Variants in GNAQ observed in about 807,000 individuals in gnomAD.
The protein encoded by GNAQ is G protein subunit alpha q, also known as guanine nucleotide-binding protein G(q) subunit alpha.
A neutral mutation model predicts 43.9 loss-of-function variants in GNAQ; 8 were observed. That is an observed-to-expected ratio of 0.18 (90% CI 0.11 to 0.33). The LOEUF (loss-of-function observed/expected upper bound fraction) is 0.33. Among genes scored for constraint, GNAQ ranks in the 10% least tolerant of loss-of-function variants. GNAQ has a pLI of 1.00. For synonymous variants in GNAQ, 155 were observed against 170.7 expected (o/e 0.91, Z 0.71); for missense variants, 158 against 450.8 (o/e 0.35, Z 5.88).
intron 6 of GNAQ, among the ~76,000 whole-genome samples, chr9:77,724,878 A>C (rs1825373719): frequency 6.7e-6 from 1 of 148,426 alleles, no homozygotes. Flanking sequence ...ATACAAGCAA[A>C]TATATATATA....
chr9:77,800,084 C>T (rs1002674905), intron 3 of GNAQ, among the ~76,000 whole-genome samples: 1 of 152,272 alleles, frequency 6.6e-6, no homozygotes, highest in Admixed American at 6.5e-5. Flanking sequence ...CAGCTCATCA[C>T]ATCATAAATA....
At chr9:78,025,464 T>C (rs1016025257) in intron 1 of GNAQ, among the ~76,000 whole-genome samples, 68 of 152,342 alleles carry the variant, frequency 4.5e-4, no homozygotes, top group Admixed American at 2.0e-3. Context: ...TTACCTTCTA[T>C]TGCTATTTCA....
intron 2 of GNAQ, among the ~76,000 whole-genome samples, chr9:77,893,864 C>G (rs1828444593): frequency 6.6e-6 from 1 of 152,154 alleles, no homozygotes; most frequent in Non-Finnish European, 1.5e-5. Context: ...GCCTCAGCAT[C>G]CATTAGAGGT....
chr9:78,007,242 T>G (rs930083010), intron 1 of GNAQ, among the ~76,000 whole-genome samples: 13 of 151,542 alleles, frequency 8.6e-5, no homozygotes, highest in Admixed American at 8.5e-4. Context: ...TCCCTTATCT[T>G]TCATTTTCAG....
At chr9:77,847,860 T>C (rs1467653013) in intron 2 of GNAQ, among the ~76,000 whole-genome samples, 1 of 152,204 alleles carries the variant, frequency 6.6e-6, no homozygotes, top group Non-Finnish European at 1.5e-5. Context: ...AGAAGCACCT[T>C]TGTGTAATCT....
At chr9:77,729,896 T>G (rs1825461567) in intron 5 of GNAQ, among the ~76,000 whole-genome samples, 1 of 152,202 alleles carries the variant, frequency 6.6e-6, no homozygotes. Context: ...GGAGCTTCCC[T>G]TCCCTCATTT....
intron 2 of GNAQ, among the ~76,000 whole-genome samples, chr9:77,879,598 T>G (rs1391663036): frequency 6.6e-6 from 1 of 152,264 alleles, no homozygotes; most frequent in Non-Finnish European, 1.5e-5. Context: ...TGTCCAGACT[T>G]ACTACAAAGG....
At chr9:77,935,991 C>T (rs554122952) in intron 1 of GNAQ, among the ~76,000 whole-genome samples, 1 of 152,164 alleles carries the variant, frequency 6.6e-6, no homozygotes, top group Non-Finnish European at 1.5e-5. Flanking sequence ...GGAAGTATCA[C>T]ACCTTGAAAT....
Position 77,728,678 on chromosome 9 carries a change from A to C in GNAQ, c.736-11T>G. 5 of 1,558,640 alleles carry C rather than the reference A, an allele frequency of 3.2e-6. No homozygotes were observed. The highest frequency in any genetic ancestry group is 4.3e-6 in the Non-Finnish European group (5 of 1,153,518). On this transcript the variant is annotated splice_polypyrimidine_tract_variant and intron_variant, in intron 5 of 6. Transcript: ENST00000286548. ...TTCCTCCATTCGGTTCTGGAAAAAAAAAAAAAATCAGAAAAAACAAGGAGT... is the reference window on the plus strand; with the variant it reads ...TTCCTCCATTCGGTTCTGGAAAAAACAAAAAAATCAGAAAAAACAAGGAGT...
At chr9:77,918,186 G>T (rs1417635948) in intron 2 of GNAQ, among the ~76,000 whole-genome samples, 2 of 152,108 alleles carry the variant, frequency 1.3e-5, no homozygotes, top group Admixed American at 1.3e-4. Flanking sequence ...CTCATATAAT[G>T]TACAGGCCAT....
intron 5 of GNAQ, among the ~76,000 whole-genome samples, chr9:77,774,459 T>G (rs143942393): frequency 1.3e-5 from 2 of 152,192 alleles, no homozygotes; most frequent in Admixed American, 6.5e-5. Context: ...TTTAAAAAAA[T>G]AAAAGAAAAG....
At chr9:77,799,544 A>T (rs1476718349) in intron 3 of GNAQ, among the ~76,000 whole-genome samples, 4 of 152,194 alleles carry the variant, frequency 2.6e-5, no homozygotes, top group Non-Finnish European at 2.9e-5. Flanking sequence ...TTTAAATAGC[A>T]TTCTTACCAG....
intron 2 of GNAQ, among the ~76,000 whole-genome samples, chr9:77,841,041 T>C (rs1827481604): frequency 6.6e-6 from 1 of 152,138 alleles, no homozygotes. Context: ...GAGCTCATAC[T>C]GTTACACGTG....
intron 1 of GNAQ, among the ~76,000 whole-genome samples, chr9:78,003,583 G>C (rs968566444): frequency 1.3e-5 from 2 of 152,156 alleles, no homozygotes; most frequent in African/African-American, 4.8e-5. Context: ...GGGAGGCCGA[G>C]GCGGGCAGAT....
intron 2 of GNAQ, among the ~76,000 whole-genome samples, chr9:77,845,785 G>T: frequency 6.6e-6 from 1 of 152,224 alleles, no homozygotes; most frequent in East Asian, 1.9e-4. Flanking sequence ...CACTCGGCTT[G>T]AAGAAAGGGT....
chr9:77,957,583 C>CT (rs1370791891), intron 1 of GNAQ, among the ~76,000 whole-genome samples: 1 of 151,994 alleles, frequency 6.6e-6, no homozygotes, highest in Non-Finnish European at 1.5e-5. Context: ...CTTGTTTTTT[C>CT]CAACTAGGTC....
chr9:77,743,311 G>A (rs747724396), intron 5 of GNAQ, among the ~76,000 whole-genome samples: 4 of 152,052 alleles, frequency 2.6e-5, no homozygotes, highest in East Asian at 1.9e-4. Context: ...ACATCAGCAG[G>A]AGAGGGTCCA....
intron 1 of GNAQ, among the ~76,000 whole-genome samples, chr9:77,971,150 A>G (rs1233539580): frequency 6.6e-6 from 1 of 152,196 alleles, no homozygotes; most frequent in African/African-American, 2.4e-5. Flanking sequence ...CATACCAACC[A>G]AAAAGAAGTC....
At chr9:77,961,430 A>G (rs1823106071) in intron 1 of GNAQ, among the ~76,000 whole-genome samples, 3 of 152,172 alleles carry the variant, frequency 2.0e-5, no homozygotes, top group African/African-American at 7.2e-5. Context: ...AGCTGAACAG[A>G]GAGAAAGCTC....
Sources: allele counts gnomAD v4.1 joint callset (sites outside exome capture counted in the v4.1 genomes callset), GRCh38; gene constraint gnomAD v4.1.1; transcripts MANE v1.5; gene names NCBI Gene and HGNC (gene_info 2026-07-23, HGNC 2026-07-21).